The following TBC1D1 variants were observed in gnomAD, a reference collection of about 807,000 sequenced individuals.
The protein encoded by TBC1D1 is TBC1 domain family member 1.
In TBC1D1, 89 loss-of-function variants were observed where a neutral mutation model predicts 125.6. That is an observed-to-expected ratio of 0.71 (90% CI 0.60 to 0.85). The LOEUF (loss-of-function observed/expected upper bound fraction) is 0.85, where lower values mean the gene tolerates loss of function less well. Ranked by LOEUF, TBC1D1 falls within the 40% of genes least tolerant of loss-of-function variation. The pLI is 0.00. For synonymous variants in TBC1D1, 565 were observed against 564.1 expected (o/e 1.00, Z -0.02); for missense variants, 1,377 against 1,469.2 (o/e 0.94, Z 1.03).
chr4:37,991,463 G>A (rs1017560078), intron 2 of TBC1D1, among the ~76,000 whole-genome samples: 1 of 152,126 alleles, frequency 6.6e-6, no homozygotes, highest in Non-Finnish European at 1.5e-5. Context: ...GGGGCAGAGG[G>A]TGACTCTACC....
At chr4:37,917,325 A>C (rs182306133) in intron 2 of TBC1D1, among the ~76,000 whole-genome samples, 2,540 of 151,802 alleles carry the variant, frequency 0.017, 76 homozygotes, top group African/African-American at 0.059. Context: ...AAATACAAAA[A>C]TTAGCTGGGC....
At chr4:37,918,385 G>A (rs1720159468) in intron 2 of TBC1D1, among the ~76,000 whole-genome samples, 1 of 151,682 alleles carries the variant, frequency 6.6e-6, no homozygotes, top group Non-Finnish European at 1.5e-5. Flanking sequence ...TTCTTTTTTG[G>A]CCTGTATGTA....
chr4:38,128,720 G>A (rs989903332), intron 18 of TBC1D1, among the ~76,000 whole-genome samples: 1 of 152,194 alleles, frequency 6.6e-6, no homozygotes, highest in African/African-American at 2.4e-5. Context: ...CAATTCCAAA[G>A]GTGACAGAGC....
chr4:37,954,060 T>C lies in TBC1D1; in HGVS notation c.417+51548T>C, dbSNP rs535793476. Among the ~76,000 whole-genome samples the C allele has an allele frequency of 4.6e-5, 7 of 152,292 alleles. No individual in the cohort carries two copies. The East Asian group carries it at 1.4e-3, about 29-fold the overall frequency. On this transcript the variant is annotated intron_variant, in intron 2 of 19. Transcript: ENST00000261439. ...ATATCTCACAGAATAAGGATAGGAATGCAAGCAGTTCCAGAGTGGCTGGAT... is the reference window on the plus strand; with the variant it reads ...ATATCTCACAGAATAAGGATAGGAACGCAAGCAGTTCCAGAGTGGCTGGAT...
At position 37,977,702 on chromosome 4, in the gene TBC1D1, C is replaced by T. The variant is rs1733484476; in HGVS notation, c.418-36807C>T. Among the ~76,000 whole-genome samples, 1 of 152,094 alleles carries T rather than the reference C, an allele frequency of 6.6e-6. No individual in the cohort carries two copies. The highest frequency in any genetic ancestry group is 2.4e-5 in the African/African-American group (1 of 41,448). On this transcript the variant is annotated intron_variant, in intron 2 of 19. Coordinates refer to ENST00000261439, the MANE Select transcript of TBC1D1 (RefSeq NM_015173.4). This position sits in a 1 kb window ranked among gnomAD's most constrained non-coding sequence, Gnocchi z 4.3. ...CCGCGCGTTTCTCATTCATTAGTCT[C>T]CCAGATCCCTGTGGGGAGGACGGGC...
rs1455795346 is a variant in TBC1D1, at chr4:37,956,158, C to G, written c.417+53646C>G. On this transcript the variant is annotated intron_variant, in intron 2 of 19. Coordinates refer to ENST00000261439, the MANE Select transcript of TBC1D1 (RefSeq NM_015173.4). Reference sequence around the variant, plus strand: ...CCTCCCACCTCAGCCTTCTGAGTAGCTGGAATGACAACCGGCTAATTTTTG... The same window carrying G: ...CCTCCCACCTCAGCCTTCTGAGTAGGTGGAATGACAACCGGCTAATTTTTG... 3.3e-5 allele frequency among the ~76,000 whole-genome samples: 5 copies of G among 151,884 alleles called. No homozygotes were observed. The South Asian group carries it at 8.3e-4, about 25-fold the overall frequency.
intron 2 of TBC1D1, among the ~76,000 whole-genome samples, chr4:37,907,642 CCATGGTAAGTAAA>C (rs1324653143): frequency 1.3e-5 from 2 of 152,128 alleles, no homozygotes; most frequent in African/African-American, 4.8e-5. Context: ...GCCTTTGAGT[CCATGGTAAGTAAA>C]CATGGTAAGT....
intron 13 of TBC1D1, among the ~76,000 whole-genome samples, chr4:38,094,971 T>A (rs1759087962): frequency 6.6e-6 from 1 of 152,086 alleles, no homozygotes; most frequent in South Asian, 2.1e-4. Context: ...CATGATGGTT[T>A]AAAAATCAAA....
chr4:37,949,635 G>C (rs1727425667), intron 2 of TBC1D1, among the ~76,000 whole-genome samples: 1 of 152,188 alleles, frequency 6.6e-6, no homozygotes, highest in Non-Finnish European at 1.5e-5. Context: ...CTGTTGAAGT[G>C]ACTACATGCT....
chr4:37,960,644 T>G lies in TBC1D1; in HGVS notation c.418-53865T>G, dbSNP rs541722377. 2.5e-6 allele frequency: 4 copies of G among 1,614,160 alleles called. No individual in the cohort carries two copies. In the Admixed American group the frequency reaches 5.0e-5, roughly 20 times the overall value. ...AGGCTTTGGGCACTGTCAACAGAGC[T>G]ACAGAAAAGTCAGTAAAGACCAATG... On this transcript the variant is annotated intron_variant, in intron 2 of 19. Coordinates refer to ENST00000261439, the MANE Select transcript of TBC1D1 (RefSeq NM_015173.4).
chr4:38,137,058 T>C (rs1415779912), intron 19 of TBC1D1, 77 bp from the exon 22 acceptor site: 2 of 1,602,954 alleles, frequency 1.2e-6, no homozygotes, highest in East Asian at 2.2e-5. Flanking sequence ...CTCCCAAGGC[T>C]GGACAGCGTG....
intron 2 of TBC1D1, among the ~76,000 whole-genome samples, chr4:37,912,149 T>C (rs1213345291): frequency 1.3e-5 from 2 of 152,338 alleles, no homozygotes; most frequent in East Asian, 3.9e-4. Context: ...TTCAGACAAC[T>C]AAAGTCGCTC....
rs1201135075 is a variant in TBC1D1 at position 38,138,670 on chromosome 4, AT to A, written c.*1336del. The stretch of plus-strand genomic sequence containing the variant: ...AAGAGTGGGTTGCTTTCTCACAAAG[AT>A]GGGGTTCTGTGCAGTCACAGGTCAC... On this transcript the variant is annotated 3_prime_UTR_variant, in exon 20 of 20. Transcript: ENST00000261439. The A allele has an allele frequency of 6.5e-6, 1 of 152,676 alleles. No homozygotes were observed. The highest frequency in any genetic ancestry group is 1.9e-4 in the East Asian group (1 of 5,200). The allele number at this position is 152,676 out of a possible 1,614,324, so 9.5% of individuals were successfully genotyped here. A position where few individuals can be genotyped will look rare whatever the true frequency, so the allele number is the denominator to read the frequency against.
At chr4:37,928,327 C>A (rs1467193127) in intron 2 of TBC1D1, among the ~76,000 whole-genome samples, 2 of 152,148 alleles carry the variant, frequency 1.3e-5, no homozygotes, top group Non-Finnish European at 1.5e-5. Context: ...GTGATGAAGT[C>A]CAACAGCGGC....
chr4:38,032,840 C>CAAAA (rs1228708927), intron 7 of TBC1D1, among the ~76,000 whole-genome samples: 2 of 86,716 alleles, frequency 2.3e-5, no homozygotes, highest in African/African-American at 3.5e-5. Flanking sequence ...GACTCCATCT[C>CAAAA]AAAAAAAAAA....
Position 38,135,894 on chromosome 4 carries a change from G to A in TBC1D1, c.3307-1241G>A, listed in dbSNP as rs200198232. ...TATATGTGTGTGTGTGTGTATATAT[G>A]TGTGTGTGTATATATACGTGTGTGT... On this transcript the variant is annotated intron_variant, in intron 19 of 19. Transcript: ENST00000261439. 1.0e-4 allele frequency among the ~76,000 whole-genome samples: 15 copies of A among 145,674 alleles called. No individual in the cohort carries two copies. The East Asian group carries it at 1.8e-3, about 17-fold the overall frequency.
chr4:37,942,973 C>CATGTTTTTG (rs1425283927), intron 2 of TBC1D1, among the ~76,000 whole-genome samples: 3 of 152,130 alleles, frequency 2.0e-5, no homozygotes, highest in Non-Finnish European at 2.9e-5. Context: ...GTGGCTGGTA[C>CATGTTTTTG]CAGTTGTTCC....
At chr4:38,065,756 A>G (rs1251115175) in intron 12 of TBC1D1, among the ~76,000 whole-genome samples, 2 of 148,406 alleles carry the variant, frequency 1.3e-5, no homozygotes, top group African/African-American at 2.5e-5. Context: ...AGCTATTCTC[A>G]TGCTTCACCC....
chr4:38,015,694 C>T (rs533238453), intron 3 of TBC1D1, among the ~76,000 whole-genome samples: 29 of 152,202 alleles, frequency 1.9e-4, no homozygotes, highest in African/African-American at 6.7e-4. Flanking sequence ...CTTCCTTGGC[C>T]TTCTCTTTGG....
Sources: allele counts gnomAD v4.1 joint callset (sites outside exome capture counted in the v4.1 genomes callset), GRCh38; gene constraint gnomAD v4.1.1; non-coding constraint Gnocchi (gnomAD v3.1); transcripts MANE v1.5; gene names NCBI Gene and HGNC (gene_info 2026-07-23, HGNC 2026-07-21).